Variants in GUCY1A2 observed in about 807,000 individuals in gnomAD.
The protein encoded by GUCY1A2 is guanylate cyclase soluble subunit alpha-2.
GUCY1A2 carries 27 observed loss-of-function variants against 63.5 expected under a neutral mutation model. That is an observed-to-expected ratio of 0.43 (90% CI 0.31 to 0.59). The LOEUF (loss-of-function observed/expected upper bound fraction) is 0.59, where lower values mean the gene tolerates loss of function less well. Among genes scored for constraint, GUCY1A2 ranks in the 20% least tolerant of loss-of-function variants. GUCY1A2 has a pLI of 0.11. For missense variants in GUCY1A2, 768 were observed against 913.3 expected (o/e 0.84, Z 2.05); for synonymous variants, 364 against 343.5 (o/e 1.06, Z -0.66).
At chr11:106,945,879 C>T (rs540394580) in intron 3 of GUCY1A2, among the ~76,000 whole-genome samples, 2 of 152,242 alleles carry the variant, frequency 1.3e-5, no homozygotes, top group East Asian at 1.9e-4. Context: ...GCAGGAGAAT[C>T]GCTTGAACCT....
chr11:106,974,463 C>T (rs192854768), intron 3 of GUCY1A2, among the ~76,000 whole-genome samples: 1 of 152,118 alleles, frequency 6.6e-6, no homozygotes, highest in African/African-American at 2.4e-5. Context: ...CATTACAAAT[C>T]ACAGTGAAAC....
intron 4 of GUCY1A2, among the ~76,000 whole-genome samples, chr11:106,916,256 T>A (rs2119884407): frequency 6.9e-6 from 1 of 145,686 alleles, no homozygotes; most frequent in Admixed American, 6.8e-5. Flanking sequence ...TGTCTATTAG[T>A]TGTTCAGGGA....
chr11:107,014,567 T>G (rs1861794081), intron 1 of GUCY1A2, among the ~76,000 whole-genome samples: 1 of 152,210 alleles, frequency 6.6e-6, no homozygotes, highest in Admixed American at 6.5e-5. Context: ...TCTTATTAAA[T>G]AGTATTAGAA....
chr11:106,725,654 T>C (rs1020939613), intron 6 of GUCY1A2, among the ~76,000 whole-genome samples: 1 of 152,122 alleles, frequency 6.6e-6, no homozygotes, highest in South Asian at 2.1e-4. Context: ...AATATTTTAA[T>C]ATGTAATTAC....
At chr11:106,956,845 C>T (rs1365658029) in intron 3 of GUCY1A2, among the ~76,000 whole-genome samples, 2 of 152,178 alleles carry the variant, frequency 1.3e-5, no homozygotes, top group African/African-American at 4.8e-5. Context: ...AAAACCCACT[C>T]ATCTGAGCTG....
At chr11:107,008,637 CATAG>C (rs1861704363) in intron 1 of GUCY1A2, among the ~76,000 whole-genome samples, 1 of 152,074 alleles carries the variant, frequency 6.6e-6, no homozygotes. Flanking sequence ...CATGCGCATA[CATAG>C]ATAAATAAGA....
At chr11:106,860,264 G>C (rs1352456588) in intron 4 of GUCY1A2, among the ~76,000 whole-genome samples, 6 of 149,894 alleles carry the variant, frequency 4.0e-5, no homozygotes, top group Admixed American at 1.3e-4. Flanking sequence ...AAGAGTAATA[G>C]TATGAACATT....
intron 6 of GUCY1A2, among the ~76,000 whole-genome samples, chr11:106,763,842 T>A (rs1864111572): frequency 6.6e-6 from 1 of 152,114 alleles, no homozygotes; most frequent in South Asian, 2.1e-4. Flanking sequence ...AATCAATCAG[T>A]GCTTTTCGTT....
intron 1 of GUCY1A2, among the ~76,000 whole-genome samples, chr11:106,996,369 A>T (rs917588871): frequency 1.3e-5 from 2 of 152,230 alleles, no homozygotes; most frequent in Non-Finnish European, 2.9e-5. Context: ...CAACCATCTT[A>T]ACTAAAAATG....
chr11:106,868,472 A>C (rs1201996738), intron 4 of GUCY1A2, among the ~76,000 whole-genome samples: 3 of 152,158 alleles, frequency 2.0e-5, no homozygotes, highest in Non-Finnish European at 4.4e-5. Flanking sequence ...ACAGACAAAC[A>C]GAGAGCCAAA....
intron 1 of GUCY1A2, 99 bp downstream of exon 1, chr11:107,017,654 G>C (rs1444465310): frequency 3.3e-6 from 2 of 608,660 alleles, no homozygotes; most frequent in East Asian, 3.8e-5. Context: ...GCCCCCCAGC[G>C]GTCGGGCTCT....
intron 4 of GUCY1A2, among the ~76,000 whole-genome samples, chr11:106,869,170 G>C (rs1179554802): frequency 6.6e-6 from 1 of 152,106 alleles, no homozygotes; most frequent in Non-Finnish European, 1.5e-5. Context: ...AGAAAACCTA[G>C]GCAATACCAT....
chr11:106,839,753 G>T (rs990808821), intron 4 of GUCY1A2, among the ~76,000 whole-genome samples: 1 of 150,710 alleles, frequency 6.6e-6, no homozygotes, highest in South Asian at 2.1e-4. Flanking sequence ...GCAAACTATT[G>T]CAAGGACAAA....
intron 2 of GUCY1A2, among the ~76,000 whole-genome samples, chr11:106,985,366 G>A (rs780637773): frequency 6.6e-6 from 1 of 152,184 alleles, no homozygotes; most frequent in African/African-American, 2.4e-5. Context: ...GCTGCTTTCT[G>A]CCACAGCCAA....
At chr11:106,949,639 C>A (rs565671995) in intron 3 of GUCY1A2, among the ~76,000 whole-genome samples, 13 of 152,228 alleles carry the variant, frequency 8.5e-5, no homozygotes, top group African/African-American at 3.1e-4. Context: ...ATATTTCCCA[C>A]ACAATAGCTG....
intron 4 of GUCY1A2, among the ~76,000 whole-genome samples, chr11:106,815,375 T>G (rs1228868262): frequency 1.3e-5 from 2 of 151,946 alleles, no homozygotes; most frequent in East Asian, 3.9e-4. Flanking sequence ...AAACTATAGA[T>G]GAAAATGTCT....
intron 4 of GUCY1A2, among the ~76,000 whole-genome samples, chr11:106,863,944 T>C (rs1348478792): frequency 6.6e-6 from 1 of 152,084 alleles, no homozygotes; most frequent in Non-Finnish European, 1.5e-5. Flanking sequence ...TACTGGTATA[T>C]AGGAATGCTT....
intron 4 of GUCY1A2, among the ~76,000 whole-genome samples, chr11:106,929,113 A>C (rs1478267914): frequency 6.6e-6 from 1 of 152,212 alleles, no homozygotes; most frequent in Non-Finnish European, 1.5e-5. Context: ...AACTGAAATA[A>C]AACTTGTTAA....
chr11:106,800,651 C>T (rs1456269011), intron 5 of GUCY1A2, among the ~76,000 whole-genome samples: 3 of 152,026 alleles, frequency 2.0e-5, no homozygotes, highest in African/African-American at 7.3e-5. Flanking sequence ...AAAAACCAAA[C>T]ACCGCATGTT....
Sources: allele counts gnomAD v4.1 joint callset (sites outside exome capture counted in the v4.1 genomes callset), GRCh38; gene constraint gnomAD v4.1.1; transcripts MANE v1.5; gene names NCBI Gene and HGNC (gene_info 2026-07-23, HGNC 2026-07-21).